COL24A1: variants seen among roughly 807,000 people sequenced by gnomAD.
COL24A1 encodes collagen alpha-1(XXIV) chain.
A neutral mutation model predicts 253.9 loss-of-function variants in COL24A1; 224 were observed. The observed-to-expected ratio is 0.88, with a 90% CI of 0.79 to 0.99. The LOEUF (loss-of-function observed/expected upper bound fraction) is 0.99, where lower values mean the gene tolerates loss of function less well. Among genes scored for constraint, COL24A1 ranks in the 50% least tolerant of loss-of-function variants. The pLI is 0.00. For missense variants in COL24A1, 2,131 were observed against 2,068.5 expected, an observed-to-expected ratio of 1.03 and a Z score of -0.59; for synonymous variants, 685 against 673.7, an observed-to-expected ratio of 1.02 and a Z score of -0.26.
intron 55 of COL24A1, 115 bp from the exon 56 acceptor site, chr1:85,745,621 A>C: frequency 1.5e-6 from 1 of 676,048 alleles, no homozygotes. Flanking sequence ...TTATTATCTG[A>C]AGGGGTTCTG....
chr1:85,810,691 C>T (rs1558212226), intron 47 of COL24A1, among the ~76,000 whole-genome samples: 2 of 151,986 alleles, frequency 1.3e-5, no homozygotes, highest in Non-Finnish European at 1.5e-5. Context: ...CATGGCAACA[C>T]CCCCTCTACT....
intron 31 of COL24A1, among the ~76,000 whole-genome samples, chr1:85,891,900 T>A (rs1275962874): frequency 1.3e-5 from 2 of 152,182 alleles, no homozygotes; most frequent in Admixed American, 1.3e-4. Flanking sequence ...AAGCACAAGC[T>A]GGAATAAAAT....
intron 23 of COL24A1, among the ~76,000 whole-genome samples, chr1:85,963,088 T>C (rs1452180347): frequency 6.6e-6 from 1 of 152,178 alleles, no homozygotes; most frequent in East Asian, 1.9e-4. Context: ...CTTTTCACTA[T>C]CTAATGTGGC....
Position 85,933,110 on chromosome 1 carries a change from G to GAAA in COL24A1, c.2563-21680_2563-21678dup, listed in dbSNP as rs202030543. On this transcript the variant is annotated intron_variant, in intron 24 of 59. Coordinates refer to ENST00000370571, the MANE Select transcript of COL24A1 (RefSeq NM_152890.7). ...AATAAAAAAAAAAAAAAGAAAGAAA[G>GAAA]AAAAAAAAAAGAATGTGTGTAGGTG... 5.7e-3 allele frequency among the ~76,000 whole-genome samples: 376 copies of GAAA among 66,526 alleles called. 3 individuals are homozygous for GAAA. The highest frequency in any genetic ancestry group is 0.012 in the African/African-American group (286 of 22,960). The allele number at this position is 66,526 out of a possible 152,430, so 43.6% of individuals were successfully genotyped here. A position where few individuals can be genotyped will look rare whatever the true frequency, so the allele number is the denominator to read the frequency against.
At chr1:86,147,411 A>T (rs1240668225) in intron 1 of COL24A1, among the ~76,000 whole-genome samples, 1 of 152,250 alleles carries the variant, frequency 6.6e-6, no homozygotes, top group Admixed American at 6.5e-5. Context: ...CTCTTATAAG[A>T]CAAGGTTTCG....
intron 37 of COL24A1, among the ~76,000 whole-genome samples, chr1:85,859,117 C>T (rs1009173908): frequency 6.6e-6 from 1 of 152,098 alleles, no homozygotes; most frequent in African/African-American, 2.4e-5. Flanking sequence ...ATACAAATTC[C>T]TACAAATTTC....
chr1:85,891,830 C>T (rs1440257964), intron 31 of COL24A1, among the ~76,000 whole-genome samples: 1 of 152,164 alleles, frequency 6.6e-6, no homozygotes, highest in Non-Finnish European at 1.5e-5. Context: ...CATAAAAGCT[C>T]TTTTGCAAAG....
chr1:86,139,670 A>G (rs78353926), intron 2 of COL24A1, among the ~76,000 whole-genome samples: 9,991 of 152,274 alleles, frequency 0.066, 447 homozygotes, highest in East Asian at 0.14. Context: ...CATAGCACTT[A>G]AATTTAATGA....
At chr1:85,879,869 G>A (rs1681624820) in intron 32 of COL24A1, among the ~76,000 whole-genome samples, 1 of 152,118 alleles carries the variant, frequency 6.6e-6, no homozygotes, top group South Asian at 2.1e-4. Context: ...GTTCAAACCC[G>A]TGTTGTTCAA....
At chr1:86,062,470 A>G (rs1268793956) in intron 8 of COL24A1, among the ~76,000 whole-genome samples, 2 of 152,036 alleles carry the variant, frequency 1.3e-5, no homozygotes, top group Non-Finnish European at 2.9e-5. Context: ...AACCTTTAAA[A>G]TTGGTTTTAG....
intron 12 of COL24A1, among the ~76,000 whole-genome samples, chr1:86,044,584 T>A (rs1296731810): frequency 6.6e-6 from 1 of 152,234 alleles, no homozygotes; most frequent in African/African-American, 2.4e-5. Context: ...TTTGAAAATT[T>A]TGTAATAAGA....
intron 24 of COL24A1, among the ~76,000 whole-genome samples, chr1:85,951,831 A>G (rs530703922): frequency 1.8e-4 from 28 of 152,188 alleles, no homozygotes; most frequent in Non-Finnish European, 3.5e-4. Context: ...CTTGTATCTC[A>G]GCTGTTACTA....
chr1:86,086,044 A>C (rs780153588), intron 7 of COL24A1, among the ~76,000 whole-genome samples: 30 of 152,120 alleles, frequency 2.0e-4, no homozygotes, highest in Admixed American at 1.1e-3. Context: ...TGTATTTCAC[A>C]TAACTTTCTT....
chr1:85,904,339 C>T (rs2102871650), intron 28 of COL24A1, among the ~76,000 whole-genome samples: 1 of 152,164 alleles, frequency 6.6e-6, no homozygotes, highest in Non-Finnish European at 1.5e-5. Flanking sequence ...GTTTGGGTAG[C>T]TGGACACAGA....
At chr1:85,791,371 A>G (rs914619326) in intron 47 of COL24A1, among the ~76,000 whole-genome samples, 2 of 152,174 alleles carry the variant, frequency 1.3e-5, no homozygotes, top group East Asian at 1.9e-4. Context: ...AATCAGTACA[A>G]TCTTCTGTGG....
intron 43 of COL24A1, among the ~76,000 whole-genome samples, chr1:85,830,968 C>T (rs989196369): frequency 3.9e-5 from 6 of 152,106 alleles, no homozygotes; most frequent in African/African-American, 1.2e-4. Context: ...ATTCTTACAG[C>T]AAAGTCAGTT....
chr1:85,734,955 C>T lies in COL24A1; in HGVS notation c.4792G>A (p.Gly1598Arg), dbSNP rs1413698480. The change falls in exon 59 of 60, where the codon GGA (glycine) becomes AGA (arginine). Residue 1598 changes from glycine (G) to arginine (R), a missense_variant. Physicochemically the swap from Gly to Arg is moderately radical, Grantham distance 125 (BLOSUM62 -2). Transcript: ENST00000370571. ...AAGTTCATCTGGACTTTCCCAACTC[C>T]AAACTCCAACTAATGTCATAGAAAT... The part of the protein sequence containing the change: ...PPVSVTKLEF[G>R]VGKVQMNFLH... The T allele has an allele frequency of 6.2e-7, 1 of 1,613,952 alleles. No individual in the cohort carries two copies. Among genetic ancestry groups the T allele is most frequent in the African/African-American group, 1.3e-5 (1 of 74,918 alleles).
At chr1:86,118,898 C>T (rs1706419918) in intron 3 of COL24A1, among the ~76,000 whole-genome samples, 1 of 151,768 alleles carries the variant, frequency 6.6e-6, no homozygotes, top group African/African-American at 2.4e-5. Context: ...AAAAGAAAAA[C>T]TAATAGAGCA....
At chr1:86,046,594 C>T (rs1699920522) in intron 12 of COL24A1, among the ~76,000 whole-genome samples, 1 of 152,110 alleles carries the variant, frequency 6.6e-6, no homozygotes, top group South Asian at 2.1e-4. Flanking sequence ...GGTTTTCCCA[C>T]TGGTATAGTG....
Sources: allele counts gnomAD v4.1 joint callset (sites outside exome capture counted in the v4.1 genomes callset), GRCh38; gene constraint gnomAD v4.1.1; transcripts MANE v1.5; gene names NCBI Gene and HGNC (gene_info 2026-07-23, HGNC 2026-07-21).